The following KATNB1 variants were observed in gnomAD, a reference collection of about 807,000 sequenced individuals.
KATNB1 encodes the protein katanin regulatory subunit B1.
A neutral mutation model predicts 82.3 loss-of-function variants in KATNB1; 38 were observed. The observed-to-expected ratio is 0.46, with a 90% CI of 0.36 to 0.61. KATNB1 has a LOEUF of 0.61. Among genes scored for constraint, KATNB1 ranks in the 20% least tolerant of loss-of-function variants. KATNB1 has a pLI of 0.00. For synonymous variants in KATNB1, 361 were observed against 368.7 expected (o/e 0.98, Z 0.24); for missense variants, 749 against 915.7 (o/e 0.82, Z 2.35).
chr16:57,741,229 G>A (rs951472390), intron 2 of KATNB1, among the ~76,000 whole-genome samples: 16 of 152,234 alleles, frequency 1.1e-4, no homozygotes, highest in Non-Finnish European at 1.8e-4. Context: ...AGCAGCAGCT[G>A]AGAGGTGTGT....
chr16:57,756,194 C>A, intron 18 of KATNB1, 128 bp downstream of exon 18: 1 of 1,205,098 alleles, frequency 8.3e-7, no homozygotes, highest in Non-Finnish European at 1.2e-6. Flanking sequence ...AGCATTGCTG[C>A]CCCTCAACAG....
Position 57,744,500 on chromosome 16 carries a change from A to C in KATNB1, c.278A>C (p.Glu93Ala), listed in dbSNP as rs782696921. Residue 93 changes from glutamate to alanine, a missense_variant, in exon 4 of 20, where the codon GAA becomes GCA. Glu to Ala is a moderately radical substitution (Grantham distance 107). This residue lies in a region of KATNB1 where 247 missense variants were observed against 349.4 expected (regional missense o/e 0.71). Transcript: ENST00000379661. ...QSGSIRVWDL[E>A]AAKILRTLMG... The stretch of plus-strand genomic sequence containing the variant: ...GGCTCCATCCGTGTCTGGGACCTGG[A>C]AGCTGCCAAAAGTAGGCCTCCGAGC... 2 of 1,613,766 alleles carry C rather than the reference A, an allele frequency of 1.2e-6. No individual in the cohort carries two copies. The highest frequency in any genetic ancestry group is 1.7e-6 in the Non-Finnish European group (2 of 1,179,818).
chr16:57,751,564 C>T lies in KATNB1; in HGVS notation c.433-77C>T. 2 of 1,335,264 alleles carry T rather than the reference C, an allele frequency of 1.5e-6. No homozygotes were observed. The highest frequency in any genetic ancestry group is 2.3e-5 in the South Asian group (2 of 85,754). The allele number at this position is 1,335,264 out of a possible 1,614,324, so 82.7% of individuals were successfully genotyped here. A position where few individuals can be genotyped will look rare whatever the true frequency, so the allele number is the denominator to read the frequency against. Reference sequence around the variant, plus strand: ...CCAGTGTTGTTAGATGGAAGGGGTCCCATAGGAGTGAGGAGGCAGGGAGAG... The same window carrying T: ...CCAGTGTTGTTAGATGGAAGGGGTCTCATAGGAGTGAGGAGGCAGGGAGAG... On this transcript the variant is annotated intron_variant, in intron 6 of 19. Coordinates refer to ENST00000379661, the MANE Select transcript of KATNB1 (RefSeq NM_005886.3). The surrounding 1 kb of genome is among the most constrained non-coding windows in gnomAD (Gnocchi z 6.3).
chr16:57,749,897 G>A, intron 4 of KATNB1, among the ~76,000 whole-genome samples: 1 of 152,138 alleles, frequency 6.6e-6, no homozygotes, highest in Middle Eastern at 3.2e-3. Context: ...TGTCCTCACA[G>A]CCACCCTCAA....
chr16:57,750,682 C>A, intron 4 of KATNB1, 145 bp from the exon 5 acceptor site: 1 of 665,980 alleles, frequency 1.5e-6, no homozygotes. Context: ...TTGATTGTTT[C>A]CTACTGTTTT....
chr16:57,736,772 G>C lies in KATNB1; in HGVS notation c.-266-206G>C, dbSNP rs1174393712. 6 of 346,586 alleles carry C rather than the reference G, an allele frequency of 1.7e-5. No homozygotes were observed. In the East Asian group the frequency reaches 4.4e-4, roughly 26 times the overall value. 21.5% of individuals were successfully genotyped at this position (346,586 alleles called of 1,614,324 possible). A position where few individuals can be genotyped will look rare whatever the true frequency, so the allele number is the denominator to read the frequency against. ...GCTGCAGCTCATTATCCTGGCCTCT[G>C]GGAGGAGTTTCTTTTTCCTTACGTT... is the stretch of plus-strand genomic sequence containing the variant. On this transcript the variant is annotated intron_variant, in intron 1 of 19. Coordinates refer to ENST00000379661, the MANE Select transcript of KATNB1 (RefSeq NM_005886.3).
At chr16:57,747,925 C>T (rs141312651) in intron 4 of KATNB1, among the ~76,000 whole-genome samples, 1 of 152,314 alleles carries the variant, frequency 6.6e-6, no homozygotes, top group East Asian at 1.9e-4. Flanking sequence ...GGGCCCTGGA[C>T]GGCCAGGGCT....
At chr16:57,743,710 C>G (rs1297482538) in intron 3 of KATNB1, among the ~76,000 whole-genome samples, 1 of 152,248 alleles carries the variant, frequency 6.6e-6, no homozygotes, top group Non-Finnish European at 1.5e-5. Flanking sequence ...CGCAGTGCCT[C>G]CAGCCTGCCG....
intron 2 of KATNB1, among the ~76,000 whole-genome samples, chr16:57,741,403 A>G (rs1215741068): frequency 2.6e-5 from 4 of 152,266 alleles, no homozygotes; most frequent in East Asian, 1.9e-4. Context: ...TAACTAGTCA[A>G]TATTACCAGG....
rs149569503 is a variant in KATNB1 at position 57,755,176 on chromosome 16, C to T, written c.1354C>T (p.Pro452Ser). 1.7e-3 allele frequency: 2,804 copies of T among 1,612,472 alleles called. 2 individuals are homozygous for T. Among genetic ancestry groups the T allele is most frequent in the Non-Finnish European group, 2.2e-3 (2,557 of 1,179,920 alleles). Residue 452 changes from proline (P) to serine (S), a missense_variant, in exon 15 of 20, where the codon CCT becomes TCT. Physicochemically the swap from Pro to Ser is moderately conservative, Grantham distance 74. Transcript: ENST00000379661. ...TTCCACACCTGCACCCAAGGCTGAG[C>T]CTGCCATCATCCCTGCCACCCGGAA... Reference protein sequence around the residue: ...VASTPAPKAEPAIIPATRNEP... With the variant: ...VASTPAPKAESAIIPATRNEP...
intron 2 of KATNB1, among the ~76,000 whole-genome samples, chr16:57,738,557 A>C (rs2049119973): frequency 6.6e-6 from 1 of 152,174 alleles, no homozygotes; most frequent in South Asian, 2.1e-4. Flanking sequence ...TGCCTGGCCA[A>C]GACTCCACAC....
At chr16:57,754,847 C>G in intron 13 of KATNB1, 83 bp from the exon 14 acceptor site, 2 of 1,398,500 alleles carry the variant, frequency 1.4e-6, no homozygotes, top group Non-Finnish European at 2.0e-6. Context: ...ATTGCAGATG[C>G]TGCCCAGAGT....
In KATNB1 at chr16:57,750,079, C is replaced by T. The variant is rs904507727; in HGVS notation, c.290-748C>T. ...CTCAAATACCACCTCCTCCATAAAG[C>T]CTTCCTGGATTTCTCTTTCCAACCA... is the stretch of plus-strand genomic sequence containing the variant. On this transcript the variant is annotated intron_variant, in intron 4 of 19. Coordinates refer to ENST00000379661, the MANE Select transcript of KATNB1 (RefSeq NM_005886.3). 2.6e-5 allele frequency among the ~76,000 whole-genome samples: 4 copies of T among 152,334 alleles called. No individual in the cohort carries two copies. In the East Asian group the frequency reaches 5.8e-4, roughly 22 times the overall value.
chr16:57,753,667 T>C, intron 12 of KATNB1, 148 bp downstream of exon 12: 1 of 1,155,772 alleles, frequency 8.7e-7, no homozygotes, highest in Non-Finnish European at 1.2e-6. Flanking sequence ...TCACGTTCCC[T>C]GGGCCTTGCC....
chr16:57,747,820 A>G lies in KATNB1; in HGVS notation c.290-3007A>G, dbSNP rs180885785. Among the ~76,000 whole-genome samples, 65 of 152,360 alleles carry G rather than the reference A, an allele frequency of 4.3e-4. 1 individual carries two copies. The East Asian group carries it at 0.012, about 28-fold the overall frequency. On this transcript the variant is annotated intron_variant, in intron 4 of 19. Transcript: ENST00000379661. Reference sequence around the variant, plus strand: ...GCCGAGGGCGCCGTGCCCCCTGTCCAGGCTTTCTCATCCACAATTGTTTTG... The same window carrying G: ...GCCGAGGGCGCCGTGCCCCCTGTCCGGGCTTTCTCATCCACAATTGTTTTG...
chr16:57,755,440 C>A lies in KATNB1; in HGVS notation c.1512C>A (p.Ser504Arg). The stretch of plus-strand genomic sequence containing the variant: ...ACACCATGTGTGTGGTGCTCACCAG[C>A]CGCCACAAGAACCTGGACACTGTGC... The part of the protein sequence containing the change: ...GHDTMCVVLT[S>R]RHKNLDTVRA... The change falls in exon 16 of 20, where the codon AGC (serine) becomes AGA (arginine). Residue 504 changes from serine to arginine, a missense_variant. This residue lies in a region of KATNB1 where 407 missense variants were observed against 434.7 expected (regional missense o/e 0.94). Coordinates refer to ENST00000379661, the MANE Select transcript of KATNB1 (RefSeq NM_005886.3). 1 of 1,613,438 alleles carries A rather than the reference C, an allele frequency of 6.2e-7. No homozygotes were observed. The highest frequency in any genetic ancestry group is 1.3e-5 in the African/African-American group (1 of 75,070).
At chr16:57,744,533 CTG>C in intron 4 of KATNB1, 22 bp downstream of exon 4, 1 of 1,563,390 alleles carries the variant, frequency 6.4e-7, no homozygotes, top group Non-Finnish European at 8.8e-7. Flanking sequence ...AGCTTGCCTC[CTG>C]TGCACGCACA....
chr16:57,755,173 G>A lies in KATNB1; in HGVS notation c.1351G>A (p.Glu451Lys), dbSNP rs1567903521. 2 of 1,612,484 alleles carry A rather than the reference G, an allele frequency of 1.2e-6. No individual in the cohort carries two copies. The highest frequency in any genetic ancestry group is 1.7e-6 in the Non-Finnish European group (2 of 1,179,902). The change falls in exon 15 of 20, where the codon GAG (glutamate) becomes AAG (lysine). Residue 451 changes from glutamate (E) to lysine (K), a missense_variant. Coordinates refer to ENST00000379661, the MANE Select transcript of KATNB1 (RefSeq NM_005886.3). ...VVASTPAPKA[E>K]PAIIPATRNE... Reference sequence around the variant, plus strand: ...TGCTTCCACACCTGCACCCAAGGCTGAGCCTGCCATCATCCCTGCCACCCG... The same window carrying A: ...TGCTTCCACACCTGCACCCAAGGCTAAGCCTGCCATCATCCCTGCCACCCG...
In KATNB1 at chr16:57,753,518, C is replaced by G. The variant is rs371723394; in HGVS notation, c.1176C>G (p.Ile392Met). 2.0e-5 allele frequency: 32 copies of G among 1,612,764 alleles called. No individual in the cohort carries two copies. Among genetic ancestry groups the G allele is most frequent in the Admixed American group, 8.3e-5 (5 of 59,986 alleles). Reference sequence around the variant, plus strand: ...AGATCTTCCAGCCCAAGAACAGCATCAGTGAGGCCGGGCTCCCGCCCCCAG... The same window carrying G: ...AGATCTTCCAGCCCAAGAACAGCATGAGTGAGGCCGGGCTCCCGCCCCCAG... ...YNEIFQPKNS[I>M]SRTPPRRSEP... is the part of the protein sequence containing the mutation. The change falls in exon 12 of 20, where the codon ATC becomes ATG. Residue 392 changes from isoleucine to methionine, a missense_variant and splice_region_variant. Physicochemically the swap from Ile to Met is conservative, Grantham distance 10. Coordinates refer to ENST00000379661, the MANE Select transcript of KATNB1 (RefSeq NM_005886.3).
Sources: allele counts gnomAD v4.1 joint callset (sites outside exome capture counted in the v4.1 genomes callset), GRCh38; gene constraint gnomAD v4.1.1; regional missense constraint gnomAD v4.1.1; non-coding constraint Gnocchi (gnomAD v3.1); transcripts MANE v1.5; gene names NCBI Gene and HGNC (gene_info 2026-07-23, HGNC 2026-07-21).